The following GSE1 variants were observed in gnomAD, a reference collection of about 807,000 sequenced individuals.
The protein encoded by GSE1 is Gse1 coiled-coil protein.
Under a neutral mutation model 112.6 loss-of-function variants are expected in GSE1, and 32 were observed. The observed-to-expected ratio is 0.28, with a 90% CI of 0.21 to 0.38. GSE1 has a LOEUF of 0.38. Among genes scored for constraint, GSE1 ranks in the 10% least tolerant of loss-of-function variants. GSE1 has a pLI of 1.00. For missense variants in GSE1, 2,348 were observed against 1,699.2 expected, an observed-to-expected ratio of 1.38 and a Z score of -6.71; for synonymous variants, 1,115 against 735.6, an observed-to-expected ratio of 1.52 and a Z score of -8.35.
At chr16:85,470,072 T>A (rs1389175338) in intron 2 of GSE1, among the ~76,000 whole-genome samples, 5 of 152,212 alleles carry the variant, frequency 3.3e-5, no homozygotes, top group Admixed American at 3.3e-4. Context: ...ATGTGCTCAC[T>A]CTGAGGGTGA....
At position 85,339,159 on chromosome 16, in the gene GSE1, C is replaced by T. The variant is rs369038371; in HGVS notation, c.2284-18304C>T. On this transcript the variant is annotated intron_variant, in intron 1 of 2. Transcript: ENST00000637419. ...CTGGTGTCATTTCCCTCCCCACCAG[C>T]CAGGCCAGTAGCCAGGCCCGTAGTA... Among the ~76,000 whole-genome samples, 17 of 152,318 alleles carry T rather than the reference C, an allele frequency of 1.1e-4. No homozygotes were observed. The South Asian group carries it at 3.3e-3, about 30-fold the overall frequency.
intron 2 of GSE1, among the ~76,000 whole-genome samples, chr16:85,443,690 C>T (rs1296762281): frequency 6.6e-6 from 1 of 152,242 alleles, no homozygotes; most frequent in Non-Finnish European, 1.5e-5. Flanking sequence ...CACATCCCCA[C>T]CCACCTGCCT....
chr16:85,354,879 A>T (rs1567708136), intron 1 of GSE1, among the ~76,000 whole-genome samples: 2 of 152,250 alleles, frequency 1.3e-5, no homozygotes, highest in Non-Finnish European at 2.9e-5. Context: ...GGAGTAGCTC[A>T]GTCCCCAGGG....
chr16:85,414,202 C>T (rs965372434), intron 2 of GSE1, among the ~76,000 whole-genome samples: 2 of 152,194 alleles, frequency 1.3e-5, no homozygotes, highest in Admixed American at 1.3e-4. Context: ...TCAAGCTAGA[C>T]ACAGAGCAGG....
At chr16:85,303,432 C>T (rs2045579843) in intron 1 of GSE1, among the ~76,000 whole-genome samples, 1 of 152,210 alleles carries the variant, frequency 6.6e-6, no homozygotes, top group Non-Finnish European at 1.5e-5. Flanking sequence ...CGCATCCCCT[C>T]CTCCTGCAGG....
chr16:85,598,617 C>T (rs899374086), intron 1 of GSE1, among the ~76,000 whole-genome samples: 2 of 152,232 alleles, frequency 1.3e-5, no homozygotes, highest in African/African-American at 4.8e-5. Context: ...AGCATTGCAG[C>T]AAAGGCAAGG....
chr16:85,421,160 C>A (rs1034330819), intron 2 of GSE1, among the ~76,000 whole-genome samples: 1 of 152,206 alleles, frequency 6.6e-6, no homozygotes, highest in Non-Finnish European at 1.5e-5. Context: ...CCAAGAGAAA[C>A]AGGAAGGGCA....
chr16:85,245,797 C>T (rs1201547618), intron 1 of GSE1, among the ~76,000 whole-genome samples: 2 of 152,068 alleles, frequency 1.3e-5, no homozygotes, highest in East Asian at 3.9e-4. Flanking sequence ...CTGGCAGTTC[C>T]AGGACATGGA....
intron 1 of GSE1, among the ~76,000 whole-genome samples, chr16:85,238,470 G>T (rs1904891347): frequency 6.6e-6 from 1 of 152,198 alleles, no homozygotes; most frequent in Admixed American, 6.5e-5. Flanking sequence ...CTCTGCAGGC[G>T]GAATCCCGAG....
chr16:85,327,716 T>C (rs955964531), intron 1 of GSE1, among the ~76,000 whole-genome samples: 2 of 152,250 alleles, frequency 1.3e-5, no homozygotes, highest in Non-Finnish European at 2.9e-5. Flanking sequence ...ATTGTGTTTG[T>C]TCCATCTTTG....
chr16:85,558,266 G>A (rs1041429548), intron 1 of GSE1, among the ~76,000 whole-genome samples: 6 of 152,206 alleles, frequency 3.9e-5, no homozygotes, highest in South Asian at 4.1e-4. Flanking sequence ...GTCTCCCCCC[G>A]GGTCTGTGGC....
chr16:85,639,426 G>A (rs936933030), intron 2 of GSE1, among the ~76,000 whole-genome samples: 1 of 152,200 alleles, frequency 6.6e-6, no homozygotes, highest in South Asian at 2.1e-4. Flanking sequence ...AAGACTGGGG[G>A]GATGGGTCCC....
intron 1 of GSE1, among the ~76,000 whole-genome samples, chr16:85,269,121 G>A (rs561867870): frequency 1.3e-5 from 2 of 149,442 alleles, no homozygotes; most frequent in African/African-American, 2.4e-5. Flanking sequence ...AAACTTGCCC[G>A]AGGCCACTCA....
At chr16:85,250,447 G>C (rs1906345325) in intron 1 of GSE1, among the ~76,000 whole-genome samples, 1 of 152,134 alleles carries the variant, frequency 6.6e-6, no homozygotes, top group Non-Finnish European at 1.5e-5. Flanking sequence ...GAGCCCAGCT[G>C]GGGGCGGAGG....
chr16:85,222,607 G>T (rs1259072969), intron 1 of GSE1, among the ~76,000 whole-genome samples: 1 of 152,160 alleles, frequency 6.6e-6, no homozygotes, highest in Non-Finnish European at 1.5e-5. Context: ...TCTCTTTGTC[G>T]GATCAAACAA....
chr16:85,564,798 A>C (rs537666372), intron 1 of GSE1, among the ~76,000 whole-genome samples: 6 of 152,316 alleles, frequency 3.9e-5, no homozygotes, highest in African/African-American at 1.4e-4. Context: ...GTGCCTGTCA[A>C]ATCTGTTCCC....
intron 2 of GSE1, among the ~76,000 whole-genome samples, chr16:85,503,801 G>A (rs544457448): frequency 3.9e-5 from 6 of 152,244 alleles, no homozygotes; most frequent in African/African-American, 1.2e-4. Flanking sequence ...GAAGCCAAGC[G>A]GCCGTCATTT....
intron 2 of GSE1, among the ~76,000 whole-genome samples, chr16:85,536,218 T>C (rs72801152): frequency 6.6e-6 from 1 of 152,156 alleles, no homozygotes; most frequent in African/African-American, 2.4e-5. Context: ...TTCTGAGTTC[T>C]CTCCGTGGGG....
chr16:85,590,944 C>T (rs2046978564), intron 1 of GSE1, among the ~76,000 whole-genome samples: 1 of 152,048 alleles, frequency 6.6e-6, no homozygotes, highest in Admixed American at 6.5e-5. Flanking sequence ...GTGGGGGGGA[C>T]CAGACGTGCT....
Sources: allele counts gnomAD v4.1 joint callset (sites outside exome capture counted in the v4.1 genomes callset), GRCh38; gene constraint gnomAD v4.1.1; transcripts MANE v1.5; gene names NCBI Gene and HGNC (gene_info 2026-07-23, HGNC 2026-07-21).